COL5A1: variants seen among roughly 807,000 people sequenced by gnomAD.
COL5A1 encodes the protein collagen type V alpha 1 chain.
A neutral mutation model predicts 263.7 loss-of-function variants in COL5A1; 16 were observed. That is an observed-to-expected ratio of 0.06 (90% CI 0.04 to 0.09). COL5A1 has a LOEUF of 0.09. Among genes scored for constraint, COL5A1 ranks in the 10% least tolerant of loss-of-function variants. The pLI, the probability that COL5A1 is intolerant of heterozygous loss-of-function variation, is 1.00. For missense variants in COL5A1, 2,036 were observed against 2,540.5 expected (o/e 0.80, Z 4.27); for synonymous variants, 1,012 against 1,004.5 (o/e 1.01, Z -0.14).
intron 65 of COL5A1, among the ~76,000 whole-genome samples, chr9:134,838,490 C>A (rs1212132913): frequency 6.6e-6 from 1 of 152,230 alleles, no homozygotes; most frequent in Non-Finnish European, 1.5e-5. Flanking sequence ...AGCTGCCGTC[C>A]AGACCGCGCC....
intron 44 of COL5A1, 128 bp downstream of exon 44, chr9:134,810,436 T>C (rs1838480110): frequency 1.1e-6 from 1 of 886,260 alleles, no homozygotes; most frequent in Non-Finnish European, 1.8e-6. Context: ...GCTGTGAAAA[T>C]CTCCCGTGCA....
At chr9:134,698,879 G>A (rs935650626) in intron 2 of COL5A1, among the ~76,000 whole-genome samples, 3 of 152,354 alleles carry the variant, frequency 2.0e-5, no homozygotes, top group South Asian at 2.1e-4. Context: ...CCAGCCCTCC[G>A]TAGTGGTGCT....
intron 63 of COL5A1, among the ~76,000 whole-genome samples, chr9:134,828,901 C>A (rs1415841510): frequency 6.8e-6 from 1 of 147,968 alleles, no homozygotes; most frequent in Non-Finnish European, 1.5e-5. Flanking sequence ...TTATACCACA[C>A]ACACAGCATA....
intron 63 of COL5A1, among the ~76,000 whole-genome samples, chr9:134,827,656 G>A (rs1251738663): frequency 6.6e-6 from 1 of 152,242 alleles, no homozygotes; most frequent in Non-Finnish European, 1.5e-5. Flanking sequence ...GGGCTGCTGA[G>A]CGACCCCAGG....
At chr9:134,729,309 G>C (rs1398831676) in intron 6 of COL5A1, among the ~76,000 whole-genome samples, 1 of 152,160 alleles carries the variant, frequency 6.6e-6, no homozygotes, top group Non-Finnish European at 1.5e-5. Context: ...AGAGCCGGAG[G>C]GTCACACCTA....
chr9:134,740,388 T>C (rs115859310), intron 11 of COL5A1, among the ~76,000 whole-genome samples: 2,826 of 152,266 alleles, frequency 0.019, 103 homozygotes, highest in African/African-American at 0.063. Context: ...GCCAAGCTCC[T>C]CCTCCGCAGA....
chr9:134,733,200 C>T (rs1331846942), intron 9 of COL5A1, among the ~76,000 whole-genome samples: 1 of 152,228 alleles, frequency 6.6e-6, no homozygotes, highest in Non-Finnish European at 1.5e-5. Context: ...CCAGAATGTG[C>T]AGTCACAGTG....
intron 24 of COL5A1, 117 bp downstream of exon 24, chr9:134,767,471 A>T (rs1273548376): frequency 1.1e-6 from 1 of 940,434 alleles, no homozygotes; most frequent in African/African-American, 1.6e-5. Context: ...TGGTGCTCCC[A>T]AGAGACGCCA....
chr9:134,715,995 G>A (rs1157369634), intron 4 of COL5A1, among the ~76,000 whole-genome samples: 1 of 151,748 alleles, frequency 6.6e-6, no homozygotes, highest in Non-Finnish European at 1.5e-5. Flanking sequence ...GGTGGTGGTG[G>A]TGGTGGTGGT....
intron 11 of COL5A1, among the ~76,000 whole-genome samples, chr9:134,744,711 TCA>T (rs144862090): frequency 0.033 from 4,907 of 147,556 alleles, 234 homozygotes; most frequent in African/African-American, 0.11. Flanking sequence ...ATACATGCTC[TCA>T]CACAGTTACA....
chr9:134,782,767 C>G, intron 29 of COL5A1, 47 bp downstream of exon 29: 11 of 1,234,598 alleles, frequency 8.9e-6, no homozygotes, highest in Non-Finnish European at 1.3e-5. Flanking sequence ...GCTGGGTGGG[C>G]TTGGCCGTGT....
intron 53 of COL5A1, among the ~76,000 whole-genome samples, chr9:134,817,430 C>T (rs1192276182): frequency 6.6e-6 from 1 of 152,244 alleles, no homozygotes; most frequent in Non-Finnish European, 1.5e-5. Flanking sequence ...ATGGTCCAGC[C>T]ACTTGCTGGT....
At chr9:134,761,492 CT>C (rs1836442432) in intron 18 of COL5A1, among the ~76,000 whole-genome samples, 1 of 152,256 alleles carries the variant, frequency 6.6e-6, no homozygotes, top group African/African-American at 2.4e-5. Context: ...AGCTCCAGCC[CT>C]TTTGCACGAC....
intron 11 of COL5A1, among the ~76,000 whole-genome samples, chr9:134,750,241 G>A (rs993058893): frequency 1.3e-5 from 2 of 152,176 alleles, no homozygotes; most frequent in Non-Finnish European, 2.9e-5. Context: ...CGGGCTCCTT[G>A]TCTCTGCCTT....
chr9:134,661,289 A>G (rs1410440591), intron 1 of COL5A1, among the ~76,000 whole-genome samples: 1 of 151,630 alleles, frequency 6.6e-6, no homozygotes, highest in Non-Finnish European at 1.5e-5. Flanking sequence ...CACATCTGAC[A>G]TTAATCTGGG....
chr9:134,726,631 AATGGATGGGTAG>A (rs757212097), intron 4 of COL5A1, among the ~76,000 whole-genome samples: 2 of 139,428 alleles, frequency 1.4e-5, no homozygotes, highest in Non-Finnish European at 1.6e-5. Flanking sequence ...TGAATGGGTG[AATGGATGGGTAG>A]ATGGATGGAT....
intron 25 of COL5A1, 125 bp from the exon 26 acceptor site, chr9:134,772,665 C>G: frequency 1.9e-6 from 2 of 1,077,530 alleles, no homozygotes; most frequent in South Asian, 1.2e-5. Flanking sequence ...TTCTGGTGCT[C>G]TCAGTTTTCC....
At chr9:134,810,591 A>G (rs769655884) in intron 44 of COL5A1, 59 of 461,830 alleles carry the variant, frequency 1.3e-4, no homozygotes, top group Non-Finnish European at 2.0e-4. Flanking sequence ...TGGGTTCTGC[A>G]GACACACCCA....
chr9:134,802,045 G>T (rs781519288), intron 38 of COL5A1, 38 bp downstream of exon 38: 2 of 1,602,064 alleles, frequency 1.2e-6, no homozygotes, highest in East Asian at 2.2e-5. Context: ...GGGTCACTCG[G>T]TGTCACTTGC....
Sources: gnomAD v4.1 joint callset for allele counts (sites outside exome capture counted in the v4.1 genomes callset) on GRCh38, gnomAD v4.1.1 for gene constraint, MANE v1.5 for transcripts, NCBI Gene and HGNC (gene_info 2026-07-23, HGNC 2026-07-21) for gene names.